The following OCA2 variants were observed in gnomAD, a reference collection of about 807,000 sequenced individuals.
OCA2 encodes OCA2 melanosomal transmembrane protein, also known as P protein.
In OCA2, 77 loss-of-function variants were observed where a neutral mutation model predicts 100.2. That is an observed-to-expected ratio of 0.77 (90% confidence interval 0.64 to 0.93). OCA2 has a LOEUF of 0.93. OCA2 is among the 40% of genes least tolerant of loss of function. The pLI is 0.00. For synonymous variants in OCA2, 432 were observed against 439.2 expected, an observed-to-expected ratio of 0.98 and a Z score of 0.21; for missense variants, 1,062 against 1,089.1, an observed-to-expected ratio of 0.98 and a Z score of 0.35.
At chr15:28,028,872 G>A (rs906523362) in intron 3 of OCA2, among the ~76,000 whole-genome samples, 1 of 152,106 alleles carries the variant, frequency 6.6e-6, no homozygotes, top group African/African-American at 2.4e-5. Flanking sequence ...TTTTAGTAGA[G>A]ATGGGGTTTC....
At chr15:27,942,936 TTAGAA>T (rs1337064653) in intron 18 of OCA2, among the ~76,000 whole-genome samples, 1 of 152,178 alleles carries the variant, frequency 6.6e-6, no homozygotes, top group Non-Finnish European at 1.5e-5. Flanking sequence ...TTGATGAAAA[TTAGAA>T]TAGAGCCATC....
At chr15:27,970,452 G>A (rs538701692) in intron 14 of OCA2, among the ~76,000 whole-genome samples, 51 of 152,320 alleles carry the variant, frequency 3.3e-4, no homozygotes, top group Middle Eastern at 3.4e-3. Context: ...AGCATGGCAG[G>A]AACGCAGGAA....
chr15:27,935,562 C>G (rs909334669), intron 18 of OCA2, among the ~76,000 whole-genome samples: 13 of 152,218 alleles, frequency 8.5e-5, no homozygotes, highest in Non-Finnish European at 1.5e-5. Flanking sequence ...GAAACTGAGG[C>G]TCCCGAAGAT....
At chr15:27,735,903 C>G in the OCA2 span, among the ~76,000 whole-genome samples, 8 of 152,076 alleles carry the variant, frequency 5.3e-5, no homozygotes, top group African/African-American at 1.9e-4. Context: ...GTTATTTAAG[C>G]TGAAAGAAAA....
At chr15:27,911,315 G>A (rs1226754240) in intron 19 of OCA2, among the ~76,000 whole-genome samples, 1 of 150,348 alleles carries the variant, frequency 6.7e-6, no homozygotes, top group African/African-American at 2.5e-5. Flanking sequence ...AGCTACTTGG[G>A]AGGCTGTAGT....
chr15:27,834,534 C>G (rs2035076661), intron 23 of OCA2, among the ~76,000 whole-genome samples: 1 of 152,182 alleles, frequency 6.6e-6, no homozygotes. Flanking sequence ...AGCCAAGTTG[C>G]ACAGAAGTGT....
intron 9 of OCA2, among the ~76,000 whole-genome samples, chr15:28,009,531 C>T (rs970924988): frequency 6.6e-6 from 1 of 152,034 alleles, no homozygotes; most frequent in South Asian, 2.1e-4. Flanking sequence ...CTACTAAAAA[C>T]ACAAAAAGTA....
At chr15:28,091,572 G>A (rs1595937126) in intron 1 of OCA2, among the ~76,000 whole-genome samples, 1 of 152,118 alleles carries the variant, frequency 6.6e-6, no homozygotes, top group East Asian at 1.9e-4. Context: ...TCCACTTGTA[G>A]GAATATGCCC....
chr15:28,007,065 C>T (rs902396059), intron 9 of OCA2, among the ~76,000 whole-genome samples: 7 of 152,162 alleles, frequency 4.6e-5, no homozygotes, highest in East Asian at 3.9e-4. Flanking sequence ...CAATGAAACA[C>T]GATGTTACAC....
chr15:27,972,239 C>T (rs1844855279), intron 14 of OCA2, among the ~76,000 whole-genome samples: 1 of 152,118 alleles, frequency 6.6e-6, no homozygotes, highest in Admixed American at 6.6e-5. Flanking sequence ...TTTCTTTATC[C>T]ACTTATCTGT....
chr15:28,049,578 T>C (rs1397643004), intron 2 of OCA2, among the ~76,000 whole-genome samples: 1 of 152,130 alleles, frequency 6.6e-6, no homozygotes, highest in Non-Finnish European at 1.5e-5. Flanking sequence ...TGTCTATCAA[T>C]AAAAGATTAA....
chr15:27,992,089 G>C (rs954491565), intron 9 of OCA2, among the ~76,000 whole-genome samples: 1 of 142,276 alleles, frequency 7.0e-6, no homozygotes, highest in Non-Finnish European at 1.5e-5. Context: ...CTGCTTTTCA[G>C]TCTTAGTTTA....
At position 27,957,459 on chromosome 15, in the gene OCA2, A is replaced by T. The variant is rs2040261003; in HGVS notation, c.1784+129T>A. 4 of 1,113,448 alleles carry T rather than the reference A, an allele frequency of 3.6e-6. No individual in the cohort carries two copies. The highest frequency in any genetic ancestry group is 5.4e-6 in the Non-Finnish European group (4 of 742,914). 69.0% of individuals were successfully genotyped at this position (1,113,448 alleles called of 1,614,324 possible). A position where few individuals can be genotyped will look rare whatever the true frequency, so the allele number is the denominator to read the frequency against. On this transcript the variant is annotated intron_variant, in intron 16 of 23. Coordinates refer to ENST00000354638, the MANE Select transcript of OCA2 (RefSeq NM_000275.3). The surrounding 1 kb of genome is among the most constrained non-coding windows in gnomAD (Gnocchi z 4.3). ...GTGAGGGTTAGATAAAATGTACTATAAGAGGCTTAGCACAGTGTGCGTCAC... is the reference window on the plus strand; with the variant it reads ...GTGAGGGTTAGATAAAATGTACTATTAGAGGCTTAGCACAGTGTGCGTCAC...
chr15:28,012,924 T>C (rs564179336), intron 9 of OCA2, among the ~76,000 whole-genome samples: 1 of 152,250 alleles, frequency 6.6e-6, no homozygotes, highest in African/African-American at 2.4e-5. Flanking sequence ...CCACTGGAAG[T>C]TACTAAGGGA....
chr15:28,006,730 TAAG>T (rs1180045080), intron 9 of OCA2, among the ~76,000 whole-genome samples: 1 of 152,176 alleles, frequency 6.6e-6, no homozygotes, highest in Non-Finnish European at 1.5e-5. Context: ...GAATCAGCAG[TAAG>T]AAGAGGCTTG....
Position 27,848,002 on chromosome 15 carries a change from C to T in OCA2, c.2339-2950G>A, listed in dbSNP as rs191465743. On this transcript the variant is annotated intron_variant, in intron 22 of 23. Coordinates refer to ENST00000354638, the MANE Select transcript of OCA2 (RefSeq NM_000275.3). ...CGGCCCACACTCAAGCTGCAGATGCCGCAGGCATCTCCTCACCACGCATCC... is the reference window on the plus strand; with the variant it reads ...CGGCCCACACTCAAGCTGCAGATGCTGCAGGCATCTCCTCACCACGCATCC... 6.3e-3 allele frequency among the ~76,000 whole-genome samples: 953 copies of T among 152,312 alleles called. 16 individuals carry two copies. The highest frequency in any genetic ancestry group is 0.021 in the African/African-American group (887 of 41,582).
the OCA2 span, among the ~76,000 whole-genome samples, chr15:27,729,706 G>A: frequency 2.0e-5 from 3 of 152,230 alleles, no homozygotes; most frequent in South Asian, 2.1e-4. Flanking sequence ...GCTTCTGTGC[G>A]TTTAAGGACT....
intron 23 of OCA2, among the ~76,000 whole-genome samples, chr15:27,810,097 T>C (rs2034013812): frequency 6.6e-6 from 1 of 152,142 alleles, no homozygotes; most frequent in Non-Finnish European, 1.5e-5. Context: ...TCTTGAGACA[T>C]CACATTATTG....
At chr15:28,048,359 T>C (rs1478620729) in intron 2 of OCA2, among the ~76,000 whole-genome samples, 2 of 152,182 alleles carry the variant, frequency 1.3e-5, no homozygotes, top group African/African-American at 2.4e-5. Context: ...TACAATGGAA[T>C]ACAAATGAAA....
Sources: allele counts gnomAD v4.1 joint callset (sites outside exome capture counted in the v4.1 genomes callset), GRCh38; gene constraint gnomAD v4.1.1; non-coding constraint Gnocchi (gnomAD v3.1); transcripts MANE v1.5; gene names NCBI Gene and HGNC (gene_info 2026-07-23, HGNC 2026-07-21).